Variants in MAPK4 observed in about 807,000 individuals in gnomAD.
MAPK4 encodes Erk3-related.
In MAPK4, 22 loss-of-function variants were observed where a neutral mutation model predicts 47.7. The observed-to-expected ratio is 0.46, with a 90% CI of 0.33 to 0.66. MAPK4 has a LOEUF of 0.66. MAPK4 is among the 30% of genes least tolerant of loss of function. The probability of loss-of-function intolerance (pLI) is 0.02; values close to 1 mark genes in which losing one functional copy is unlikely to be tolerated. For synonymous variants in MAPK4, 390 were observed against 365.7 expected (o/e 1.07, Z -0.76); for missense variants, 736 against 831.7 (o/e 0.88, Z 1.42).
intron 1 of MAPK4, among the ~76,000 whole-genome samples, chr18:50,648,532 G>T (rs193266520): frequency 1.3e-5 from 2 of 152,196 alleles, no homozygotes; most frequent in Non-Finnish European, 2.9e-5. Context: ...ATGCAGGAGG[G>T]CGGCAGAGAG....
At chr18:50,693,057 A>G (rs1019091155) in intron 2 of MAPK4, among the ~76,000 whole-genome samples, 5 of 152,088 alleles carry the variant, frequency 3.3e-5, no homozygotes, top group Non-Finnish European at 7.4e-5. Flanking sequence ...TGAGTTCGAA[A>G]CCAGCCTGGC....
intron 1 of MAPK4, among the ~76,000 whole-genome samples, chr18:50,622,934 A>G (rs765314613): frequency 7.2e-5 from 11 of 152,184 alleles, no homozygotes; most frequent in Non-Finnish European, 1.5e-4. Context: ...ACATAGTCTC[A>G]TTTCACATAC....
At chr18:50,662,562 T>A (rs1020395597) in intron 1 of MAPK4, among the ~76,000 whole-genome samples, 3 of 152,332 alleles carry the variant, frequency 2.0e-5, no homozygotes, top group African/African-American at 7.2e-5. Flanking sequence ...TCAACTTACG[T>A]GGAAAGCAAG....
At chr18:50,581,098 G>A (rs558419009) in intron 1 of MAPK4, among the ~76,000 whole-genome samples, 87 of 152,288 alleles carry the variant, frequency 5.7e-4, no homozygotes, top group African/African-American at 2.0e-3. Context: ...ATCCTAAAAT[G>A]CACGAGTGCT....
intron 2 of MAPK4, among the ~76,000 whole-genome samples, chr18:50,702,832 A>T (rs907586036): frequency 6.6e-6 from 1 of 152,130 alleles, no homozygotes; most frequent in African/African-American, 2.4e-5. Context: ...GATTCAGAGT[A>T]CCACAAACAG....
At chr18:50,607,167 T>A (rs1301044244) in intron 1 of MAPK4, among the ~76,000 whole-genome samples, 1 of 152,138 alleles carries the variant, frequency 6.6e-6, no homozygotes, top group Non-Finnish European at 1.5e-5. Context: ...ACTTACTATG[T>A]GCCAAATACT....
At chr18:50,600,020 A>T (rs940957242) in intron 1 of MAPK4, among the ~76,000 whole-genome samples, 1 of 152,170 alleles carries the variant, frequency 6.6e-6, no homozygotes, top group African/African-American at 2.4e-5. Flanking sequence ...TCTCCTTATG[A>T]CTTGGTTTCT....
chr18:50,714,967 T>C, intron 2 of MAPK4, 112 bp from the exon 3 acceptor site: 2 of 1,082,418 alleles, frequency 1.8e-6, no homozygotes, highest in South Asian at 1.6e-5. Context: ...GGGGCAAGAA[T>C]GAAAGGGACC....
chr18:50,657,817 C>G (rs1311571861), intron 1 of MAPK4, among the ~76,000 whole-genome samples: 5 of 152,024 alleles, frequency 3.3e-5, no homozygotes, highest in Non-Finnish European at 4.4e-5. Flanking sequence ...GTTGACAGTG[C>G]TGAGGCTGAG....
intron 1 of MAPK4, among the ~76,000 whole-genome samples, chr18:50,587,479 AT>A (rs1329167173): frequency 6.6e-6 from 1 of 152,160 alleles, no homozygotes; most frequent in Non-Finnish European, 1.5e-5. Context: ...GAGGGGTTAA[AT>A]GTCTTGTCCA....
chr18:50,568,572 C>T (rs760242682), intron 1 of MAPK4, among the ~76,000 whole-genome samples: 7 of 152,190 alleles, frequency 4.6e-5, no homozygotes, highest in Middle Eastern at 3.2e-3. Flanking sequence ...CTAACATGGC[C>T]TGCCTCAGTT....
At chr18:50,728,428 C>G (rs940931543) in intron 5 of MAPK4, among the ~76,000 whole-genome samples, 3 of 152,192 alleles carry the variant, frequency 2.0e-5, no homozygotes, top group Non-Finnish European at 4.4e-5. Flanking sequence ...TGCGTCAATG[C>G]AAGGTGCTAT....
At chr18:50,655,136 G>A (rs1303860285) in intron 1 of MAPK4, among the ~76,000 whole-genome samples, 2 of 152,182 alleles carry the variant, frequency 1.3e-5, no homozygotes, top group Admixed American at 6.5e-5. Context: ...ACCGTATTGA[G>A]GGAAACACAA....
intron 1 of MAPK4, among the ~76,000 whole-genome samples, chr18:50,566,052 T>C (rs2042195715): frequency 6.6e-6 from 1 of 152,246 alleles, no homozygotes; most frequent in Non-Finnish European, 1.5e-5. Context: ...AAGACAGTGT[T>C]CTAATTGTTG....
chr18:50,609,531 T>C (rs1467602703), intron 1 of MAPK4, among the ~76,000 whole-genome samples: 1 of 152,008 alleles, frequency 6.6e-6, no homozygotes, highest in Non-Finnish European at 1.5e-5. Context: ...TAAACACAGG[T>C]GTTTGTGACG....
Position 50,664,159 on chromosome 18 carries a change from G to A in MAPK4, c.201G>A (p.Lys67=). The change falls in exon 2 of 6, where the codon AAG becomes AAA. Residue 67 remains lysine (K), a synonymous_variant. Coordinates refer to ENST00000400384, the MANE Select transcript of MAPK4 (RefSeq NM_002747.4). The surrounding 1 kb of genome is among the most constrained non-coding windows in gnomAD (Gnocchi z 6.0). The part of the protein sequence containing the change: ...RSMKHALREI[K]IIRRLDHDNI... Reference sequence around the variant, plus strand: ...TGAAGCACGCGCTCCGAGAGATCAAGATCATTCGGCGCCTGGACCACGACA... The same window carrying A: ...TGAAGCACGCGCTCCGAGAGATCAAAATCATTCGGCGCCTGGACCACGACA... The A allele has an allele frequency of 6.2e-7, 1 of 1,614,180 alleles. No homozygotes were observed. The highest frequency in any genetic ancestry group is 8.5e-7 in the Non-Finnish European group (1 of 1,180,046).
At chr18:50,563,342 C>T (rs2042170412) in intron 1 of MAPK4, among the ~76,000 whole-genome samples, 2 of 152,176 alleles carry the variant, frequency 1.3e-5, no homozygotes, top group Admixed American at 1.3e-4. Context: ...GGAAAACAAA[C>T]CGAATTTAGA....
At chr18:50,586,397 CCTT>C (rs368451351) in intron 1 of MAPK4, among the ~76,000 whole-genome samples, 17 of 151,588 alleles carry the variant, frequency 1.1e-4, no homozygotes, top group Non-Finnish European at 2.4e-4. Flanking sequence ...TGGAAAATTA[CCTT>C]CTTCTGCTTG....
chr18:50,650,079 C>G (rs1374350111), intron 1 of MAPK4, among the ~76,000 whole-genome samples: 2 of 152,206 alleles, frequency 1.3e-5, no homozygotes, highest in African/African-American at 4.8e-5. Context: ...CTGTAGAGAT[C>G]TTGGCTACTG....
Sources: allele counts gnomAD v4.1 joint callset (sites outside exome capture counted in the v4.1 genomes callset), GRCh38; gene constraint gnomAD v4.1.1; non-coding constraint Gnocchi (gnomAD v3.1); transcripts MANE v1.5; gene names NCBI Gene and HGNC (gene_info 2026-07-23, HGNC 2026-07-21).